Variants in MSH3 observed in about 807,000 individuals in gnomAD.
The protein encoded by MSH3 is DNA mismatch repair protein Msh3.
MSH3 carries 106 observed loss-of-function variants against 123.3 expected under a neutral mutation model. The ratio of observed to expected loss-of-function variants is 0.86; its 90% CI spans 0.73 to 1.01. The LOEUF (loss-of-function observed/expected upper bound fraction) is 1.01, where lower values mean the gene tolerates loss of function less well. Ranked by LOEUF, MSH3 falls within the 50% of genes least tolerant of loss-of-function variation. The pLI is 0.00. For synonymous variants in MSH3, 515 were observed against 481.4 expected, an observed-to-expected ratio of 1.07 and a Z score of -0.91; for missense variants, 1,459 against 1,347.6, an observed-to-expected ratio of 1.08 and a Z score of -1.29.
rs1354345609 is a variant in MSH3, at chr5:80,743,677, T to C, written c.1654-829T>C. Among the ~76,000 whole-genome samples, 4 of 53,086 alleles carry C rather than the reference T, an allele frequency of 7.5e-5. 2 individuals are homozygous for C. The highest frequency in any genetic ancestry group is 1.5e-4 in the Non-Finnish European group (4 of 27,486). 34.8% of individuals were successfully genotyped at this position (53,086 alleles called of 152,430 possible). A position where few individuals can be genotyped will look rare whatever the true frequency, so the allele number is the denominator to read the frequency against. On this transcript the variant is annotated intron_variant, in intron 11 of 23. Transcript: ENST00000265081. ...GGCTAACACGGTGAAACCCCGTCTC[T>C]ACTAAAAATACAAAAAATTAGCCGG... is the stretch of plus-strand genomic sequence containing the variant.
At position 80,728,829 on chromosome 5, in the gene MSH3, G is replaced by A. The variant is rs753029589; in HGVS notation, c.1454-22G>A. 1.7e-5 allele frequency: 21 copies of A among 1,221,180 alleles called. 1 individual carries two copies. The highest frequency in any genetic ancestry group is 2.3e-5 in the Non-Finnish European group (19 of 827,030). The allele number at this position is 1,221,180 out of a possible 1,614,324, so 75.6% of individuals were successfully genotyped here. On this transcript the variant is annotated intron_variant, in intron 9 of 23. Coordinates refer to ENST00000265081, the MANE Select transcript of MSH3 (RefSeq NM_002439.5). ...TAATTTAAAAGAATTTTTATAACAA[G>A]TTAATATATTCTGTTTTCTAGGTTC... is the stretch of plus-strand genomic sequence containing the variant.
At chr5:80,723,353 A>G (rs41097) in intron 8 of MSH3, among the ~76,000 whole-genome samples, 34,493 of 152,014 alleles carry the variant, frequency 0.23, 4,097 homozygotes, top group Non-Finnish European at 0.27. Flanking sequence ...CCAAAAACAT[A>G]TATAGAAATG....
chr5:80,864,700 T>C lies in MSH3; in HGVS notation c.3001-113T>C, dbSNP rs893626722. On this transcript the variant is annotated intron_variant, in intron 21 of 23. Coordinates refer to ENST00000265081, the MANE Select transcript of MSH3 (RefSeq NM_002439.5). ...GTATATAATAATTGGTCGTTGTACT[T>C]TTCTTGTGACTTTTAGGAAGATTTA... 7 of 918,490 alleles carry C rather than the reference T, an allele frequency of 7.6e-6. No individual in the cohort carries two copies. The Admixed American group carries it at 1.5e-4, about 20-fold the overall frequency. The allele number at this position is 918,490 out of a possible 1,614,324, so 56.9% of individuals were successfully genotyped here.
At chr5:80,712,305 AT>A (rs1005592682) in intron 8 of MSH3, among the ~76,000 whole-genome samples, 47 of 152,266 alleles carry the variant, frequency 3.1e-4, no homozygotes, top group African/African-American at 1.0e-3. Flanking sequence ...TAAGTTGTAT[AT>A]TTTAGTTCAA....
rs1489972731 is a variant in MSH3 at position 80,654,825 on chromosome 5, G to A, written c.98G>A (p.Ser33Asn). 3 of 1,604,584 alleles carry A rather than the reference G, an allele frequency of 1.9e-6. No homozygotes were observed. The highest frequency in any genetic ancestry group is 2.6e-6 in the Non-Finnish European group (3 of 1,176,346). ...AGCCGATTCTTCCAGTCTACGGGAA[G>A]CCTGAAATCCACCTCCTCCTCCACA... ...VLSRFFQSTGSLKSTSSSTGA... is the reference protein window; with the variant it reads ...VLSRFFQSTGNLKSTSSSTGA... Residue 33 changes from serine to asparagine, a missense_variant, in exon 1 of 24, where the codon AGC (serine) becomes AAC (asparagine). By Grantham distance (46) the Ser-to-Asn change is conservative (BLOSUM62 1). Coordinates refer to ENST00000265081, the MANE Select transcript of MSH3 (RefSeq NM_002439.5).
At chr5:80,867,959 C>T (rs952668582) in intron 22 of MSH3, among the ~76,000 whole-genome samples, 1 of 152,134 alleles carries the variant, frequency 6.6e-6, no homozygotes, top group African/African-American at 2.4e-5. Context: ...GCTTCTGTTG[C>T]AATTGCTTTT....
chr5:80,668,432 A>G (rs2112811048), intron 3 of MSH3, among the ~76,000 whole-genome samples: 1 of 152,102 alleles, frequency 6.6e-6, no homozygotes, highest in Middle Eastern at 3.4e-3. Flanking sequence ...GCCATGGGGC[A>G]CCTGCAGGAC....
intron 3 of MSH3, among the ~76,000 whole-genome samples, chr5:80,667,485 T>C (rs764020562): frequency 6.6e-6 from 1 of 152,322 alleles, no homozygotes; most frequent in Middle Eastern, 3.4e-3. Context: ...CCTGCTGGGC[T>C]CATTCCTCCC....
intron 8 of MSH3, among the ~76,000 whole-genome samples, chr5:80,705,118 C>T (rs570332221): frequency 3.3e-5 from 5 of 152,282 alleles, no homozygotes; most frequent in Non-Finnish European, 5.9e-5. Context: ...TTAAATATTA[C>T]CTCCTGTTAT....
At chr5:80,673,478 G>A (rs949829279) in intron 6 of MSH3, among the ~76,000 whole-genome samples, 2 of 152,128 alleles carry the variant, frequency 1.3e-5, no homozygotes, top group Non-Finnish European at 2.9e-5. Flanking sequence ...GCAGTGAGCC[G>A]TGATCATGCC....
rs755514051 is a variant in MSH3, at chr5:80,744,513, T to A, written c.1661T>A (p.Met554Lys). The A allele has an allele frequency of 1.2e-6, 2 of 1,612,648 alleles. No homozygotes were observed. The highest frequency in any genetic ancestry group is 1.7e-5 in the Admixed American group (1 of 59,976). The change falls in exon 12 of 24, where the codon ATG becomes AAG. Residue 554 changes from methionine to lysine, a missense_variant. Met to Lys is a moderately conservative substitution (Grantham distance 95). Coordinates refer to ENST00000265081, the MANE Select transcript of MSH3 (RefSeq NM_002439.5). ...NLEILQNQTD[M>K]KTKGSLLWVL... is the part of the protein sequence containing the mutation. ...TTTTCTGGTCTTTCTTAGACTGATA[T>A]GAAAACCAAAGGAAGTTTGCTGTGG...
chr5:80,841,033 A>G (rs908258252), intron 20 of MSH3, among the ~76,000 whole-genome samples: 3 of 149,250 alleles, frequency 2.0e-5, no homozygotes, highest in Admixed American at 2.0e-4. Flanking sequence ...TTAGGTATAT[A>G]TCCTAATGCT....
chr5:80,872,835 C>T (rs567712714), intron 22 of MSH3, among the ~76,000 whole-genome samples: 2 of 152,200 alleles, frequency 1.3e-5, no homozygotes, highest in African/African-American at 4.8e-5. Context: ...AAAACATTCT[C>T]TTTTTAATAT....
At chr5:80,806,588 G>A (rs1461700590) in intron 19 of MSH3, among the ~76,000 whole-genome samples, 1 of 152,132 alleles carries the variant, frequency 6.6e-6, no homozygotes, top group African/African-American at 2.4e-5. Flanking sequence ...GTCAGTGTTT[G>A]TGTGCAAGCC....
chr5:80,807,845 A>C (rs6151874), intron 19 of MSH3, among the ~76,000 whole-genome samples: 3,315 of 152,302 alleles, frequency 0.022, 95 homozygotes, highest in South Asian at 0.14. Context: ...CAATGAACCT[A>C]ACTTGTACAT....
At chr5:80,866,633 C>T (rs1374951274) in intron 22 of MSH3, among the ~76,000 whole-genome samples, 1 of 152,200 alleles carries the variant, frequency 6.6e-6, no homozygotes, top group Non-Finnish European at 1.5e-5. Flanking sequence ...ATCAAGTTGA[C>T]ACATTATTGA....
intron 8 of MSH3, among the ~76,000 whole-genome samples, chr5:80,703,059 C>G (rs1750646709): frequency 2.0e-5 from 3 of 152,172 alleles, no homozygotes; most frequent in Admixed American, 2.0e-4. Flanking sequence ...TATTATGTAC[C>G]TGGTACATTC....
intron 10 of MSH3, among the ~76,000 whole-genome samples, chr5:80,729,460 G>GTGTGTATATA (rs1277559108): frequency 2.1e-5 from 2 of 95,030 alleles, no homozygotes; most frequent in African/African-American, 8.4e-5. Context: ...GTGTGTGTGT[G>GTGTGTATATA]TATATATATA....
At chr5:80,860,578 C>T (rs745756406) in intron 21 of MSH3, among the ~76,000 whole-genome samples, 11 of 151,128 alleles carry the variant, frequency 7.3e-5, no homozygotes, top group Non-Finnish European at 1.2e-4. Flanking sequence ...CTCTGGCTTA[C>T]TTCAGTATTT....
Sources: allele counts gnomAD v4.1 joint callset (sites outside exome capture counted in the v4.1 genomes callset), GRCh38; gene constraint gnomAD v4.1.1; transcripts MANE v1.5; gene names NCBI Gene and HGNC (gene_info 2026-07-23, HGNC 2026-07-21).